ACOXL: variants seen among roughly 807,000 people sequenced by gnomAD.
The protein encoded by ACOXL is acyl-CoA oxidase like.
A neutral mutation model predicts 71.9 loss-of-function variants in ACOXL; 70 were observed. The observed-to-expected ratio is 0.97, with a 90% CI of 0.80 to 1.19. ACOXL has a LOEUF of 1.19. ACOXL is among the 50% of genes most tolerant of loss of function. The pLI, the probability that ACOXL is intolerant of heterozygous loss-of-function variation, is 0.00. For synonymous variants in ACOXL, 253 were observed against 281.6 expected (o/e 0.90, Z 1.02); for missense variants, 703 against 736.3 (o/e 0.95, Z 0.52).
intron 12 of ACOXL, among the ~76,000 whole-genome samples, chr2:110,966,687 GCAGGAGT>G (rs1020276566): frequency 8.5e-5 from 13 of 152,190 alleles, no homozygotes; most frequent in African/African-American, 3.1e-4. Flanking sequence ...CCTATTTTTA[GCAGGAGT>G]CAGTAAGCAG....
At chr2:110,949,796 C>T (rs185737132) in intron 12 of ACOXL, among the ~76,000 whole-genome samples, 16 of 152,186 alleles carry the variant, frequency 1.1e-4, no homozygotes, top group Admixed American at 7.8e-4. Context: ...CATGGAAGGA[C>T]GAACAAGGCC....
At chr2:110,838,561 G>A (rs1018798716) in intron 9 of ACOXL, among the ~76,000 whole-genome samples, 1 of 152,168 alleles carries the variant, frequency 6.6e-6, no homozygotes, top group African/African-American at 2.4e-5. Context: ...AGAAACCCCA[G>A]AGACTCTTCT....
At chr2:111,078,837 G>A (rs1307003110) in intron 16 of ACOXL, among the ~76,000 whole-genome samples, 1 of 152,170 alleles carries the variant, frequency 6.6e-6, no homozygotes, top group East Asian at 1.9e-4. Flanking sequence ...AAAACCTATG[G>A]AGAATGTTGA....
chr2:110,887,478 A>G (rs1697443052), intron 10 of ACOXL: 1 of 152,404 alleles, frequency 6.6e-6, no homozygotes. Context: ...CTTTAGAGAC[A>G]GAGTCTTGCT....
At position 110,995,750 on chromosome 2, in the gene ACOXL, G is replaced by A. The variant is rs958646946; in HGVS notation, c.1170-143G>A. The A allele has an allele frequency of 3.8e-5, 23 of 602,300 alleles. No homozygotes were observed. In the African/African-American group the frequency reaches 4.1e-4, roughly 11 times the overall value. 37.3% of individuals were successfully genotyped at this position (602,300 alleles called of 1,614,324 possible). A position where few individuals can be genotyped will look rare whatever the true frequency, so the allele number is the denominator to read the frequency against. On this transcript the variant is annotated intron_variant, in intron 13 of 17. Coordinates refer to ENST00000439055, the MANE Select transcript of ACOXL (RefSeq NM_001142807.4). ...AGAATTATGAATACAGTCAGTGAGA[G>A]ATGGGATGGGGAGATTATGTCTATT...
intron 9 of ACOXL, among the ~76,000 whole-genome samples, chr2:110,812,851 G>A (rs187323383): frequency 7.2e-5 from 11 of 152,356 alleles, no homozygotes; most frequent in African/African-American, 2.2e-4. Flanking sequence ...TGGAACAGGC[G>A]TGTGCCCTCT....
intron 12 of ACOXL, among the ~76,000 whole-genome samples, chr2:110,958,286 G>A (rs2061576970): frequency 6.6e-6 from 1 of 152,152 alleles, no homozygotes; most frequent in Non-Finnish European, 1.5e-5. Flanking sequence ...AGACATAAGG[G>A]GTGAGAGCCC....
At chr2:111,004,526 T>C (rs962028456) in intron 14 of ACOXL, among the ~76,000 whole-genome samples, 2 of 152,158 alleles carry the variant, frequency 1.3e-5, no homozygotes, top group African/African-American at 4.8e-5. Flanking sequence ...CTTCCTTCAA[T>C]GTGTTGGTGG....
intron 1 of ACOXL, among the ~76,000 whole-genome samples, chr2:110,747,849 C>T (rs1002143546): frequency 6.6e-6 from 1 of 152,154 alleles, no homozygotes; most frequent in Non-Finnish European, 1.5e-5. Context: ...CCTGTCTGCT[C>T]CCTTCCAGCC....
At chr2:110,995,362 C>T (rs2063344130) in intron 13 of ACOXL, among the ~76,000 whole-genome samples, 1 of 151,372 alleles carries the variant, frequency 6.6e-6, no homozygotes, top group East Asian at 1.9e-4. Flanking sequence ...TAGCCAGGCA[C>T]AGTGGCATGT....
chr2:110,734,178 T>C (rs538973293), intron 1 of ACOXL, among the ~76,000 whole-genome samples: 6 of 152,014 alleles, frequency 3.9e-5, no homozygotes, highest in African/African-American at 1.2e-4. Flanking sequence ...TTCAAATGAA[T>C]TAATAAACAT....
intron 10 of ACOXL, among the ~76,000 whole-genome samples, chr2:110,863,515 A>T (rs1559360321): frequency 1.3e-5 from 2 of 152,166 alleles, no homozygotes; most frequent in East Asian, 3.8e-4. Context: ...ATGAATGTGC[A>T]TAGCTTCCAT....
At chr2:111,045,119 A>G (rs2065951971) in intron 15 of ACOXL, among the ~76,000 whole-genome samples, 1 of 152,200 alleles carries the variant, frequency 6.6e-6, no homozygotes, top group African/African-American at 2.4e-5. Flanking sequence ...GAAGCAAGAA[A>G]GTGATTCCGC....
intron 10 of ACOXL, among the ~76,000 whole-genome samples, chr2:110,880,111 C>T (rs1696434357): frequency 7.0e-6 from 1 of 142,682 alleles, no homozygotes; most frequent in Admixed American, 7.3e-5. Context: ...TACCACTGCA[C>T]TGCATTCCAG....
At chr2:110,990,732 G>A (rs2063138347) in intron 13 of ACOXL, among the ~76,000 whole-genome samples, 1 of 152,088 alleles carries the variant, frequency 6.6e-6, no homozygotes, top group Non-Finnish European at 1.5e-5. Context: ...TTTATCAAAT[G>A]ATATTTTTCT....
intron 3 of ACOXL, among the ~76,000 whole-genome samples, chr2:110,789,649 A>C (rs909990413): frequency 1.3e-5 from 2 of 152,268 alleles, no homozygotes; most frequent in African/African-American, 4.8e-5. Flanking sequence ...AGCTCATCTA[A>C]CTTTGATCAT....
At chr2:110,761,884 A>G (rs1385154833) in intron 1 of ACOXL, among the ~76,000 whole-genome samples, 2 of 152,236 alleles carry the variant, frequency 1.3e-5, no homozygotes, top group Non-Finnish European at 2.9e-5. Context: ...TATATCTTAT[A>G]GTGAACATTT....
chr2:110,805,760 T>G (rs1465062873), intron 9 of ACOXL, among the ~76,000 whole-genome samples: 2 of 152,250 alleles, frequency 1.3e-5, no homozygotes, highest in Non-Finnish European at 2.9e-5. Context: ...ATGTCTTGGC[T>G]GAATTCACCT....
At chr2:110,990,076 T>G (rs1179597501) in intron 13 of ACOXL, among the ~76,000 whole-genome samples, 1 of 152,078 alleles carries the variant, frequency 6.6e-6, no homozygotes, top group Non-Finnish European at 1.5e-5. Context: ...ATGGTAAATG[T>G]TTTGTTATTT....
Sources: allele counts gnomAD v4.1 joint callset (sites outside exome capture counted in the v4.1 genomes callset), GRCh38; gene constraint gnomAD v4.1.1; transcripts MANE v1.5; gene names NCBI Gene and HGNC (gene_info 2026-07-23, HGNC 2026-07-21).